Variants in PPFIBP1 observed in about 807,000 individuals in gnomAD.
PPFIBP1 encodes liprin-beta-1.
In PPFIBP1, 112 loss-of-function variants were observed where a neutral mutation model predicts 137.8. That is an observed-to-expected ratio of 0.81 (90% CI 0.70 to 0.95). The LOEUF (loss-of-function observed/expected upper bound fraction) is 0.95. Among genes scored for constraint, PPFIBP1 ranks in the 40% least tolerant of loss-of-function variants. The probability of loss-of-function intolerance (pLI) is 0.00; values close to 1 mark genes in which losing one functional copy is unlikely to be tolerated. For synonymous variants in PPFIBP1, 378 were observed against 417.3 expected (o/e 0.91, Z 1.15); for missense variants, 1,083 against 1,196.6 (o/e 0.91, Z 1.40).
rs1381868197 is a variant in PPFIBP1 at position 27,577,195 on chromosome 12, C to T, written c.-123-957C>T. On this transcript the variant is annotated intron_variant, in intron 1 of 29. Transcript: ENST00000228425. The stretch of plus-strand genomic sequence containing the variant: ...TAATGCATTTTATTTCACTGTTAAG[C>T]ACCTGCCTTTTCTGAAGCTTTTTTT... 1.3e-4 allele frequency among the ~76,000 whole-genome samples: 20 copies of T among 151,440 alleles called. No homozygotes were observed. In the Admixed American group the frequency reaches 1.3e-3, roughly 10 times the overall value.
intron 1 of PPFIBP1, among the ~76,000 whole-genome samples, chr12:27,549,985 A>G (rs1946606531): frequency 1.3e-5 from 2 of 152,246 alleles, no homozygotes; most frequent in Admixed American, 1.3e-4. Context: ...CAGGCTTTGA[A>G]GCCAGGCAGA....
intron 1 of PPFIBP1, among the ~76,000 whole-genome samples, chr12:27,533,153 T>C (rs1364125692): frequency 6.6e-6 from 1 of 152,140 alleles, no homozygotes; most frequent in Admixed American, 6.6e-5. Flanking sequence ...GGGACATGCC[T>C]CCATGCCTGG....
chr12:27,633,507 C>T, intron 3 of PPFIBP1, 47 bp downstream of exon 3: 1 of 1,521,236 alleles, frequency 6.6e-7, no homozygotes. Flanking sequence ...TTACTCTCCT[C>T]ACTTGGCTTT....
intron 7 of PPFIBP1, among the ~76,000 whole-genome samples, chr12:27,652,828 A>C (rs2058957150): frequency 6.6e-6 from 1 of 152,224 alleles, no homozygotes; most frequent in African/African-American, 2.4e-5. Flanking sequence ...CTAAGGACTC[A>C]TATTATGCAA....
rs117396859 is a variant in PPFIBP1 at position 27,647,291 on chromosome 12, G to A, written c.358-438G>A. Among the ~76,000 whole-genome samples the A allele has an allele frequency of 3.2e-3, 482 of 152,072 alleles. 10 individuals are homozygous for A. In the South Asian group the frequency reaches 0.051, roughly 16 times the overall value. Reference sequence around the variant, plus strand: ...GCTGGGATTACAGGCGTGAGCCACCGTGCATGCTACCTCTCCCCCCTACCC... The same window carrying A: ...GCTGGGATTACAGGCGTGAGCCACCATGCATGCTACCTCTCCCCCCTACCC... On this transcript the variant is annotated intron_variant, in intron 5 of 29. Transcript: ENST00000228425.
chr12:27,587,381 G>A (rs1179775173), intron 2 of PPFIBP1, among the ~76,000 whole-genome samples: 1 of 151,998 alleles, frequency 6.6e-6, no homozygotes, highest in Admixed American at 6.6e-5. Context: ...CAGCACTTTG[G>A]GAGGCCGAGG....
At chr12:27,608,073 C>T (rs570909277) in intron 2 of PPFIBP1, among the ~76,000 whole-genome samples, 24 of 152,278 alleles carry the variant, frequency 1.6e-4, no homozygotes, top group African/African-American at 5.5e-4. Context: ...TCCAATGACT[C>T]TCCAGCTTAA....
rs558857483 is a variant in PPFIBP1, at chr12:27,652,721, C to A, written c.604-2001C>A. Among the ~76,000 whole-genome samples, 5 of 152,096 alleles carry A rather than the reference C, an allele frequency of 3.3e-5. No homozygotes were observed. In the East Asian group the frequency reaches 5.8e-4, roughly 18 times the overall value. On this transcript the variant is annotated intron_variant, in intron 7 of 29. Coordinates refer to ENST00000228425, the MANE Select transcript of PPFIBP1 (RefSeq NM_003622.4). ...TTGCACGAGCAAAGAAGAAAGGAAGCTGTAAAATACAATAGCAGATAAGAA... is the reference window on the plus strand; with the variant it reads ...TTGCACGAGCAAAGAAGAAAGGAAGATGTAAAATACAATAGCAGATAAGAA...
intron 7 of PPFIBP1, 155 bp from the exon 8 acceptor site, chr12:27,654,567 A>T: frequency 1.1e-6 from 1 of 923,686 alleles, no homozygotes; most frequent in Non-Finnish European, 1.5e-6. Context: ...CTTCGTTCTT[A>T]AGGAGGTACA....
intron 8 of PPFIBP1, chr12:27,655,133 T>C (rs1281532541): frequency 6.6e-7 from 1 of 1,510,624 alleles, no homozygotes; most frequent in Non-Finnish European, 8.9e-7. Flanking sequence ...CTCCTCTGTC[T>C]CTCTACCAGT....
At chr12:27,526,469 G>C (rs1259081086) in intron 1 of PPFIBP1, among the ~76,000 whole-genome samples, 1 of 149,786 alleles carries the variant, frequency 6.7e-6, no homozygotes, top group South Asian at 2.2e-4. Flanking sequence ...TTGAGTTATT[G>C]AGAAAGGTAG....
intron 6 of PPFIBP1, among the ~76,000 whole-genome samples, chr12:27,648,530 C>G (rs367618106): frequency 6.6e-6 from 1 of 152,130 alleles, no homozygotes; most frequent in Non-Finnish European, 1.5e-5. Flanking sequence ...ATCAGTATAT[C>G]GAAGAAATAT....
At position 27,579,868 on chromosome 12, in the gene PPFIBP1, G is replaced by A. The variant is rs1044009245; in HGVS notation, c.-36+1629G>A. Among the ~76,000 whole-genome samples, 9 of 152,324 alleles carry A rather than the reference G, an allele frequency of 5.9e-5. No individual in the cohort carries two copies. In the Middle Eastern group the frequency reaches 0.01, roughly 173 times the overall value. ...TTACTCAACAGGAACAGATGAAGAT[G>A]TTTTTGTAGATTACTCTTGTGGGGT... On this transcript the variant is annotated intron_variant, in intron 2 of 29. Coordinates refer to ENST00000228425, the MANE Select transcript of PPFIBP1 (RefSeq NM_003622.4).
rs2059096968 is a variant in PPFIBP1, at chr12:27,654,830, A to G, written c.696+16A>G. 1 of 1,606,912 alleles carries G rather than the reference A, an allele frequency of 6.2e-7. No individual in the cohort carries two copies. The highest frequency in any genetic ancestry group is 1.7e-5 in the Admixed American group (1 of 58,922). On this transcript the variant is annotated intron_variant, in intron 8 of 29. Coordinates refer to ENST00000228425, the MANE Select transcript of PPFIBP1 (RefSeq NM_003622.4). Reference sequence around the variant, plus strand: ...ATCAACCAAAGTAAGTTTTTCTCACAGGTTAACATTTTCAAACAAATGGCA... The same window carrying G: ...ATCAACCAAAGTAAGTTTTTCTCACGGGTTAACATTTTCAAACAAATGGCA...
At position 27,683,035 on chromosome 12, in the gene PPFIBP1, G is replaced by A. The variant is rs1016228344; in HGVS notation, c.2247+332G>A. Among the ~76,000 whole-genome samples the A allele has an allele frequency of 3.3e-5, 5 of 152,046 alleles. 1 individual carries two copies. Among genetic ancestry groups the A allele is most frequent in the South Asian group, 2.1e-4 (1 of 4,824 alleles). ...ACACTTTGAATGGGTACATTTTATG[G>A]TATGCAAATTATATCTCATAAAGAT... On this transcript the variant is annotated intron_variant, in intron 24 of 29. Coordinates refer to ENST00000228425, the MANE Select transcript of PPFIBP1 (RefSeq NM_003622.4).
chr12:27,692,537 C>CTAAA, intron 28 of PPFIBP1, 54 bp from the exon 29 acceptor site: 1 of 1,554,176 alleles, frequency 6.4e-7, no homozygotes, highest in African/African-American at 1.4e-5. Context: ...TCCTGCTGCA[C>CTAAA]TTTCCCTGAA....
chr12:27,579,363 A>G (rs1174497859), intron 2 of PPFIBP1, among the ~76,000 whole-genome samples: 1 of 152,226 alleles, frequency 6.6e-6, no homozygotes, highest in African/African-American at 2.4e-5. Flanking sequence ...GCTTGAGGGA[A>G]TAAATGTCAC....
At chr12:27,611,785 GCTCTCT>G (rs10549025) in intron 2 of PPFIBP1, among the ~76,000 whole-genome samples, 137 of 137,984 alleles carry the variant, frequency 9.9e-4, no homozygotes, top group Middle Eastern at 3.7e-3. Context: ...TCAACACTGT[GCTCTCT>G]CTCTCTCTCT....
chr12:27,574,728 T>C (rs1162583613), intron 1 of PPFIBP1, among the ~76,000 whole-genome samples: 2 of 152,154 alleles, frequency 1.3e-5, no homozygotes, highest in African/African-American at 4.8e-5. Context: ...GATTAAGAAA[T>C]GAGCTCAGGA....
Sources: allele counts gnomAD v4.1 joint callset (sites outside exome capture counted in the v4.1 genomes callset), GRCh38; gene constraint gnomAD v4.1.1; transcripts MANE v1.5; gene names NCBI Gene and HGNC (gene_info 2026-07-23, HGNC 2026-07-21).